The following GRIK4 variants were observed in gnomAD, a reference collection of about 807,000 sequenced individuals.
GRIK4 encodes the protein glutamate ionotropic receptor kainate type subunit 4.
Under a neutral mutation model 104.9 loss-of-function variants are expected in GRIK4, and 40 were observed. The observed-to-expected ratio is 0.38, with a 90% CI of 0.30 to 0.50. GRIK4 has a LOEUF of 0.50. Among genes scored for constraint, GRIK4 ranks in the 20% least tolerant of loss-of-function variants. GRIK4 has a pLI of 0.93. For synonymous variants in GRIK4, 485 were observed against 524.9 expected, an observed-to-expected ratio of 0.92 and a Z score of 1.04; for missense variants, 1,047 against 1,308.1, an observed-to-expected ratio of 0.80 and a Z score of 3.08.
At chr11:120,753,911 T>G (rs1160276471) in intron 3 of GRIK4, among the ~76,000 whole-genome samples, 3 of 152,204 alleles carry the variant, frequency 2.0e-5, no homozygotes, top group Non-Finnish European at 4.4e-5. Flanking sequence ...TTTTCCAATT[T>G]TTTCAGCACC....
At chr11:120,817,995 T>C (rs530170360) in intron 5 of GRIK4, among the ~76,000 whole-genome samples, 1 of 152,378 alleles carries the variant, frequency 6.6e-6, no homozygotes, top group East Asian at 1.9e-4. Context: ...TATCTCCATT[T>C]TAATGATGTT....
At chr11:120,793,719 G>C (rs1232354359) in intron 3 of GRIK4, among the ~76,000 whole-genome samples, 1 of 151,936 alleles carries the variant, frequency 6.6e-6, no homozygotes, top group Non-Finnish European at 1.5e-5. Flanking sequence ...CAGGTGAAGG[G>C]TGGTGTTAGG....
Position 120,945,823 on chromosome 11 carries a change from T to C in GRIK4, c.1590+5363T>C, listed in dbSNP as rs115012688. Among the ~76,000 whole-genome samples, 1,131 of 152,294 alleles carry C rather than the reference T, an allele frequency of 7.4e-3. 20 individuals are homozygous for C. The highest frequency in any genetic ancestry group is 0.026 in the African/African-American group (1,082 of 41,566). On this transcript the variant is annotated intron_variant, in intron 14 of 20. Transcript: ENST00000527524. ...ATGCCTGCATATTCCACACACAACATAGCATCCACCTGAGAAAGTATCAGA... is the reference window on the plus strand; with the variant it reads ...ATGCCTGCATATTCCACACACAACACAGCATCCACCTGAGAAAGTATCAGA...
At chr11:120,512,889 GCTGGGCCCCGGGCGC>G (rs1277518139) in intron 1 of GRIK4, among the ~76,000 whole-genome samples, 1 of 152,164 alleles carries the variant, frequency 6.6e-6, no homozygotes, top group Non-Finnish European at 1.5e-5. Context: ...GGCCGAGGGG[GCTGGGCCCCGGGCGC>G]CTCTGGCCCG....
chr11:120,841,562 T>C (rs749913908), intron 8 of GRIK4, among the ~76,000 whole-genome samples: 19 of 152,220 alleles, frequency 1.2e-4, no homozygotes, highest in Non-Finnish European at 2.5e-4. Flanking sequence ...TTGTGAATAA[T>C]GCTGGCATGA....
chr11:120,581,540 T>C (rs1396753598), intron 1 of GRIK4, among the ~76,000 whole-genome samples: 1 of 152,226 alleles, frequency 6.6e-6, no homozygotes, highest in East Asian at 1.9e-4. Flanking sequence ...ACTGAAACTC[T>C]GTACCCATTA....
rs186651438 is a variant in GRIK4, at chr11:120,933,800, G to A, written c.1477-6547G>A. 1.2e-4 allele frequency among the ~76,000 whole-genome samples: 18 copies of A among 152,276 alleles called. No individual in the cohort carries two copies. The East Asian group carries it at 3.1e-3, about 26-fold the overall frequency. On this transcript the variant is annotated intron_variant, in intron 13 of 20. Coordinates refer to ENST00000527524, the MANE Select transcript of GRIK4 (RefSeq NM_014619.5). ...GTAAATTGCACATGGCCATTTGGAC[G>A]GCAAGGAGCAGAGGCACTGGCAGTT... is the stretch of plus-strand genomic sequence containing the variant.
chr11:120,537,850 TAA>T (rs36018905), intron 1 of GRIK4, among the ~76,000 whole-genome samples: 9 of 141,666 alleles, frequency 6.4e-5, no homozygotes, highest in African/African-American at 7.8e-5. Context: ...TGTTTGTTCT[TAA>T]AAAAAAAAAA....
At chr11:120,829,378 T>TA (rs141439904) in intron 6 of GRIK4, among the ~76,000 whole-genome samples, 18 of 149,356 alleles carry the variant, frequency 1.2e-4, no homozygotes, top group South Asian at 2.1e-4. Context: ...GGCTGCCCCC[T>TA]AAAAAAAAAA....
intron 1 of GRIK4, among the ~76,000 whole-genome samples, chr11:120,534,064 C>A (rs539770627): frequency 1.4e-4 from 22 of 152,254 alleles, no homozygotes; most frequent in African/African-American, 5.3e-4. Context: ...CTGAGCCTGG[C>A]AGTGATCCTG....
intron 3 of GRIK4, among the ~76,000 whole-genome samples, chr11:120,746,837 C>T (rs1490263560): frequency 6.6e-6 from 1 of 152,152 alleles, no homozygotes; most frequent in East Asian, 1.9e-4. Flanking sequence ...ACAGACAACT[C>T]TTGAATGAAT....
intron 6 of GRIK4, 89 bp from the exon 7 acceptor site, chr11:120,831,763 C>G: frequency 1.0e-6 from 1 of 975,738 alleles, no homozygotes; most frequent in Non-Finnish European, 1.6e-6. Context: ...CACTTCCAGC[C>G]CACATCTCCG....
At chr11:120,862,276 G>T in intron 9 of GRIK4, 156 bp downstream of exon 9, 1 of 674,088 alleles carries the variant, frequency 1.5e-6, no homozygotes, top group Non-Finnish European at 2.5e-6. Flanking sequence ...GGAAGTGGTT[G>T]CAGGGTATGA....
chr11:120,693,014 G>A (rs1335078379), intron 3 of GRIK4, among the ~76,000 whole-genome samples: 1 of 152,078 alleles, frequency 6.6e-6, no homozygotes, highest in African/African-American at 2.4e-5. Flanking sequence ...TTACAGGCGT[G>A]AGCCACTGTG....
intron 3 of GRIK4, among the ~76,000 whole-genome samples, chr11:120,711,859 T>A (rs1368931537): frequency 6.6e-6 from 1 of 151,860 alleles, no homozygotes; most frequent in Non-Finnish European, 1.5e-5. Context: ...AGACAGGAGG[T>A]GGGTTCTGTA....
intron 2 of GRIK4, among the ~76,000 whole-genome samples, chr11:120,658,399 CT>C (rs1177643683): frequency 6.6e-6 from 1 of 152,028 alleles, no homozygotes; most frequent in African/African-American, 2.4e-5. Context: ...TGATAAATAC[CT>C]AGGAATAGAG....
In GRIK4 at chr11:120,526,049, AGG is replaced by A. The variant is rs1947852624; in HGVS notation, c.-159+14163_-159+14164del. Among the ~76,000 whole-genome samples the A allele has an allele frequency of 2.0e-5, 3 of 152,346 alleles. No homozygotes were observed. The South Asian group carries it at 6.2e-4, about 32-fold the overall frequency. Reference sequence around the variant, plus strand: ...TTTTATTTATATAAAGTTCAAAAACAGGCGAAGTAATCTATGGTAATAGAAGC... The same window carrying A: ...TTTTATTTATATAAAGTTCAAAAACACGAAGTAATCTATGGTAATAGAAGC... On this transcript the variant is annotated intron_variant, in intron 1 of 20. Transcript: ENST00000527524.
chr11:120,829,096 C>G (rs1953352796), intron 6 of GRIK4, among the ~76,000 whole-genome samples: 1 of 152,194 alleles, frequency 6.6e-6, no homozygotes, highest in Non-Finnish European at 1.5e-5. Flanking sequence ...TCCAAAGATT[C>G]TTCATGCTCC....
chr11:120,880,593 C>G (rs561379152), intron 11 of GRIK4, among the ~76,000 whole-genome samples: 13 of 152,288 alleles, frequency 8.5e-5, no homozygotes, highest in African/African-American at 2.2e-4. Flanking sequence ...GACCTTCAAG[C>G]CTTTCATGGA....
Sources: gnomAD v4.1 joint callset for allele counts (sites outside exome capture counted in the v4.1 genomes callset) on GRCh38, gnomAD v4.1.1 for gene constraint, MANE v1.5 for transcripts, NCBI Gene and HGNC (gene_info 2026-07-23, HGNC 2026-07-21) for gene names.